PIK3C3: variants seen among roughly 807,000 people sequenced by gnomAD.
PIK3C3 encodes the protein phosphatidylinositol 3-kinase catalytic subunit type 3, also known as PI3-kinase type 3.
In PIK3C3, 95 loss-of-function variants were observed where a neutral mutation model predicts 126.1. The observed-to-expected ratio is 0.75, with a 90% confidence interval of 0.64 to 0.89. PIK3C3 has a LOEUF of 0.89. PIK3C3 is among the 40% of genes least tolerant of loss of function. PIK3C3 has a pLI of 0.00. For missense variants in PIK3C3, 829 were observed against 1,063.2 expected, an observed-to-expected ratio of 0.78 and a Z score of 3.06; for synonymous variants, 374 against 360.0, an observed-to-expected ratio of 1.04 and a Z score of -0.44.
rs1184957441 is a variant in PIK3C3, at chr18:42,003,335, G to A, written c.985-1021G>A. Among the ~76,000 whole-genome samples, 3 of 152,170 alleles carry A rather than the reference G, an allele frequency of 2.0e-5. No homozygotes were observed. In the East Asian group the frequency reaches 5.8e-4, roughly 29 times the overall value. ...TATTTTTCAACAAATAGCAACAGAGGAAGACAAAGAAGAAGAAAACATCTT... is the reference window on the plus strand; with the variant it reads ...TATTTTTCAACAAATAGCAACAGAGAAAGACAAAGAAGAAGAAAACATCTT... On this transcript the variant is annotated intron_variant, in intron 9 of 24. Coordinates refer to ENST00000262039, the MANE Select transcript of PIK3C3 (RefSeq NM_002647.4).
chr18:42,050,407 C>G (rs896414991), intron 21 of PIK3C3: 7 of 152,200 alleles, frequency 4.6e-5, no homozygotes, highest in Non-Finnish European at 1.0e-4. Context: ...TTACCTCAGT[C>G]CATTTCATTA....
At chr18:42,066,545 C>T (rs758461164) in intron 23 of PIK3C3, among the ~76,000 whole-genome samples, 49 of 152,070 alleles carry the variant, frequency 3.2e-4, no homozygotes, top group Non-Finnish European at 3.2e-4. Context: ...GTTCTTGAGC[C>T]GGCTTCGTGA....
rs1986374791 is a variant in PIK3C3 at position 42,085,209 on chromosome 18, G to A, written c.*4072G>A. 3 of 152,074 alleles carry A rather than the reference G, an allele frequency of 2.0e-5. No homozygotes were observed. The highest frequency in any genetic ancestry group is 1.3e-4 in the Admixed American group (2 of 15,270). The allele number at this position is 152,074 out of a possible 1,614,324, so 9.4% of individuals were successfully genotyped here. A position where few individuals can be genotyped will look rare whatever the true frequency, so the allele number is the denominator to read the frequency against. On this transcript the variant is annotated 3_prime_UTR_variant, in exon 25 of 25. Coordinates refer to ENST00000262039, the MANE Select transcript of PIK3C3 (RefSeq NM_002647.4). ...AAGTTCATTTTGTTCAGTGCTATGG[G>A]CTGGTACATTGCATTTCAACACTAG...
At chr18:41,969,101 G>A (rs886475873) in intron 3 of PIK3C3, among the ~76,000 whole-genome samples, 4 of 151,472 alleles carry the variant, frequency 2.6e-5, no homozygotes, top group African/African-American at 9.7e-5. Context: ...TTACAGGTGT[G>A]AGCCACCATG....
intron 1 of PIK3C3, 113 bp downstream of exon 1, chr18:41,955,472 T>C: frequency 1.1e-6 from 1 of 887,468 alleles, no homozygotes; most frequent in South Asian, 1.5e-5. Flanking sequence ...AGGCCCAGAT[T>C]GGGGGCGGCT....
intron 2 of PIK3C3, among the ~76,000 whole-genome samples, chr18:41,959,064 C>T (rs1469381430): frequency 6.6e-6 from 1 of 152,154 alleles, no homozygotes; most frequent in East Asian, 1.9e-4. Context: ...AGTCTTCAAA[C>T]CCCTGAAGGT....
chr18:42,028,474 C>G (rs1461793507), intron 14 of PIK3C3, among the ~76,000 whole-genome samples: 3 of 152,204 alleles, frequency 2.0e-5, no homozygotes, highest in African/African-American at 7.2e-5. Context: ...TAATCTGTGG[C>G]TTGCCGCAGA....
intron 10 of PIK3C3, among the ~76,000 whole-genome samples, chr18:42,010,606 T>G (rs2144397247): frequency 6.6e-6 from 1 of 152,280 alleles, no homozygotes; most frequent in Middle Eastern, 3.4e-3. Flanking sequence ...CTTCGGGTGA[T>G]CCACCCACCT....
At chr18:42,032,012 TAAAAC>T (rs781719216) in intron 15 of PIK3C3, among the ~76,000 whole-genome samples, 11 of 152,054 alleles carry the variant, frequency 7.2e-5, no homozygotes, top group African/African-American at 2.7e-4. Context: ...TGGAGAAAAA[TAAAAC>T]AGGAAGGGGG....
rs1980149746 is a variant in PIK3C3 at position 41,962,595 on chromosome 18, G to A, written c.364G>A (p.Val122Ile). 1.9e-6 allele frequency: 3 copies of A among 1,612,424 alleles called. No individual in the cohort carries two copies. The highest frequency in any genetic ancestry group is 1.7e-6 in the Non-Finnish European group (2 of 1,178,896). ...DVYGPGKAVP[V>I]GGTTVSLFGK... ...GTATGGTCCCGGAAAAGCAGTGCCT[G>A]TAGGAGGAACAACGGTTTCGCTCTT... The change falls in exon 3 of 25, where the codon GTA (valine) becomes ATA (isoleucine). Residue 122 changes from valine to isoleucine, a missense_variant. This residue lies in a region of PIK3C3 where 313 missense variants were observed against 340.7 expected (regional missense o/e 0.92). Transcript: ENST00000262039.
intron 22 of PIK3C3, among the ~76,000 whole-genome samples, chr18:42,062,267 A>T (rs1199533060): frequency 1.3e-5 from 2 of 150,618 alleles, no homozygotes; most frequent in African/African-American, 4.9e-5. Context: ...AATATGTAAC[A>T]GCGGATTGTA....
chr18:42,059,556 T>C (rs1985223772), intron 22 of PIK3C3, among the ~76,000 whole-genome samples: 1 of 152,196 alleles, frequency 6.6e-6, no homozygotes, highest in South Asian at 2.1e-4. Context: ...CAATGTGGTT[T>C]ATAAACTGTC....
Position 42,055,188 on chromosome 18 carries a change from T to A in PIK3C3, c.2264-2695T>A, listed in dbSNP as rs149825817. ...TGAGTGAGCTCTTCTGTTAGTTCCC[T>A]TGAAAGCTGGTTGTTAAAAAAGAGC... On this transcript the variant is annotated intron_variant, in intron 21 of 24. Coordinates refer to ENST00000262039, the MANE Select transcript of PIK3C3 (RefSeq NM_002647.4). Among the ~76,000 whole-genome samples, 595 of 152,164 alleles carry A rather than the reference T, an allele frequency of 3.9e-3. 3 individuals carry two copies. Among genetic ancestry groups the A allele is most frequent in the African/African-American group, 0.013 (559 of 41,512 alleles).
intron 22 of PIK3C3, among the ~76,000 whole-genome samples, chr18:42,061,489 A>G (rs1412331391): frequency 3.9e-5 from 6 of 152,104 alleles, no homozygotes; most frequent in African/African-American, 7.2e-5. Flanking sequence ...GGCTGAGGCA[A>G]GAGACTCGCT....
intron 3 of PIK3C3, among the ~76,000 whole-genome samples, chr18:41,966,966 C>T (rs1980400838): frequency 6.6e-6 from 1 of 152,162 alleles, no homozygotes; most frequent in Non-Finnish European, 1.5e-5. Context: ...AACTCCTGTT[C>T]CCCCTGTACT....
At chr18:42,006,906 T>G (rs1036346050) in intron 10 of PIK3C3, among the ~76,000 whole-genome samples, 27 of 140,038 alleles carry the variant, frequency 1.9e-4, no homozygotes, top group Non-Finnish European at 3.8e-4. Flanking sequence ...CTCTGTCTCC[T>G]AGGCTGGAAT....
Position 41,962,543 on chromosome 18 carries a change from C to A in PIK3C3, c.312C>A (p.Ala104=), listed in dbSNP as rs771160552. 7 of 1,613,600 alleles carry A rather than the reference C, an allele frequency of 4.3e-6. No individual in the cohort carries two copies. In the Admixed American group the frequency reaches 1.2e-4, roughly 27 times the overall value. ...PVKYPDLPRN[A]QVALTIWDVY... Reference sequence around the variant, plus strand: ...AATACCCTGACCTGCCCAGGAATGCCCAAGTGGCCCTCACCATATGGGATG... The same window carrying A: ...AATACCCTGACCTGCCCAGGAATGCACAAGTGGCCCTCACCATATGGGATG... Residue 104 remains alanine (A), a synonymous_variant, in exon 3 of 25, where the codon GCC becomes GCA. Transcript: ENST00000262039.
intron 20 of PIK3C3, among the ~76,000 whole-genome samples, chr18:42,046,437 A>G (rs1183663311): frequency 1.3e-5 from 2 of 152,138 alleles, no homozygotes; most frequent in Non-Finnish European, 1.5e-5. Context: ...ACATACACAC[A>G]TATCTTTACT....
chr18:42,007,944 G>A (rs781087242), intron 10 of PIK3C3, among the ~76,000 whole-genome samples: 3 of 152,106 alleles, frequency 2.0e-5, no homozygotes, highest in Non-Finnish European at 4.4e-5. Flanking sequence ...TCTCATTTAT[G>A]TTTAAAGTTT....
Sources: gnomAD v4.1 joint callset for allele counts (sites outside exome capture counted in the v4.1 genomes callset) on GRCh38, gnomAD v4.1.1 for gene constraint, gnomAD v4.1.1 regional missense constraint, MANE v1.5 for transcripts, NCBI Gene and HGNC (gene_info 2026-07-23, HGNC 2026-07-21) for gene names.